Variants in CMTM4 observed in about 807,000 individuals in gnomAD.
The protein encoded by CMTM4 is CKLF like MARVEL transmembrane domain containing 4.
Under a neutral mutation model 19.0 loss-of-function variants are expected in CMTM4, and 8 were observed. The ratio of observed to expected loss-of-function variants is 0.42; its 90% confidence interval spans 0.25 to 0.76. CMTM4 has a LOEUF of 0.76. Ranked by LOEUF, CMTM4 falls within the 30% of genes least tolerant of loss-of-function variation. The probability of loss-of-function intolerance (pLI) is 0.27; values close to 1 mark genes in which losing one functional copy is unlikely to be tolerated. For synonymous variants in CMTM4, 106 were observed against 121.1 expected (o/e 0.88, Z 0.82); for missense variants, 228 against 290.2 (o/e 0.79, Z 1.56).
At chr16:66,656,388 G>C (rs2016398014) in intron 1 of CMTM4, among the ~76,000 whole-genome samples, 2 of 152,112 alleles carry the variant, frequency 1.3e-5, no homozygotes, top group Admixed American at 6.6e-5. Context: ...TTTTGAGACA[G>C]AGTCTCACTC....
rs149863763 is a variant in CMTM4, at chr16:66,646,918, G to A, written c.187-10337C>T. Among the ~76,000 whole-genome samples the A allele has an allele frequency of 8.9e-3, 1,357 of 151,982 alleles. 14 individuals carry two copies. Among genetic ancestry groups the A allele is most frequent in the Middle Eastern group, 0.048 (14 of 294 alleles). ...GACAGGGTTTCACCACGTTGGCCAG[G>A]ATGGTCTCGAACTCCTGACCTCAGG... is the stretch of plus-strand genomic sequence containing the variant. On this transcript the variant is annotated intron_variant, in intron 1 of 3. Coordinates refer to ENST00000394106, the MANE Select transcript of CMTM4 (RefSeq NM_181521.3).
rs966857855 is a variant in CMTM4 at position 66,692,098 on chromosome 16, T to G, written c.186+4242A>C. Among the ~76,000 whole-genome samples the G allele has an allele frequency of 4.2e-5, 6 of 144,078 alleles. No individual in the cohort carries two copies. The East Asian group carries it at 1.2e-3, about 29-fold the overall frequency. 94.5% of individuals were successfully genotyped at this position (144,078 alleles called of 152,430 possible). A position where few individuals can be genotyped will look rare whatever the true frequency, so the allele number is the denominator to read the frequency against. Reference sequence around the variant, plus strand: ...CTAGCACCTGTGTGAGGTTTTGTTGTTTTTTTTTTTGAGATGGAGTCTTGC... The same window carrying G: ...CTAGCACCTGTGTGAGGTTTTGTTGGTTTTTTTTTTGAGATGGAGTCTTGC... On this transcript the variant is annotated intron_variant, in intron 1 of 3. Transcript: ENST00000394106.
At chr16:66,623,582 TA>T in intron 2 of CMTM4, 80 bp from the exon 3 acceptor site, 2 of 1,001,278 alleles carry the variant, frequency 2.0e-6, no homozygotes, top group Non-Finnish European at 2.9e-6. Flanking sequence ...ACTTTCAAAA[TA>T]AGACCCACGA....
chr16:66,668,201 G>C (rs1370002183), intron 1 of CMTM4, among the ~76,000 whole-genome samples: 1 of 150,580 alleles, frequency 6.6e-6, no homozygotes, highest in East Asian at 1.9e-4. Flanking sequence ...TAAAGACAGA[G>C]TTTCGCTATG....
intron 1 of CMTM4, among the ~76,000 whole-genome samples, chr16:66,637,931 C>T (rs1454774156): frequency 6.6e-6 from 1 of 152,216 alleles, no homozygotes; most frequent in African/African-American, 2.4e-5. Flanking sequence ...CCTTGAACTA[C>T]AGAATCAGAA....
At chr16:66,694,137 C>G (rs1265019299) in intron 1 of CMTM4, among the ~76,000 whole-genome samples, 2 of 152,092 alleles carry the variant, frequency 1.3e-5, no homozygotes, top group African/African-American at 4.8e-5. Context: ...TACAACAAAA[C>G]AGTACCTTAC....
the CMTM4 span, among the ~76,000 whole-genome samples, chr16:66,602,580 G>A: frequency 2.0e-5 from 3 of 151,820 alleles, no homozygotes; most frequent in Non-Finnish European, 4.4e-5. Flanking sequence ...CTGCCGCCCA[G>A]GCTGGAGTGC....
Position 66,621,800 on chromosome 16 carries a change from C to T in CMTM4, c.*258G>A, listed in dbSNP as rs1047323048. Reference sequence around the variant, plus strand: ...TCAGAGTCAAAGGAAGCCTGTGCTTCAGGGCAGGTAAGACCTCAAGTGGAC... The same window carrying T: ...TCAGAGTCAAAGGAAGCCTGTGCTTTAGGGCAGGTAAGACCTCAAGTGGAC... On this transcript the variant is annotated 3_prime_UTR_variant, in exon 4 of 4. Coordinates refer to ENST00000394106, the MANE Select transcript of CMTM4 (RefSeq NM_181521.3). 2.3e-6 allele frequency: 3 copies of T among 1,305,238 alleles called. No individual in the cohort carries two copies. The highest frequency in any genetic ancestry group is 2.9e-6 in the Non-Finnish European group (3 of 1,021,988). The allele number at this position is 1,305,238 out of a possible 1,614,324, so 80.9% of individuals were successfully genotyped here. A position where few individuals can be genotyped will look rare whatever the true frequency, so the allele number is the denominator to read the frequency against.
intron 1 of CMTM4, among the ~76,000 whole-genome samples, chr16:66,679,945 A>G (rs1407228067): frequency 6.6e-6 from 1 of 152,116 alleles, no homozygotes; most frequent in African/African-American, 2.4e-5. Context: ...TAGACTGCAC[A>G]GCTCCCCACC....
chr16:66,639,064 T>C (rs1033166404), intron 1 of CMTM4, among the ~76,000 whole-genome samples: 2 of 152,158 alleles, frequency 1.3e-5, no homozygotes, highest in Non-Finnish European at 2.9e-5. Flanking sequence ...ACAAAAGATA[T>C]GGGTCTTTAA....
chr16:66,669,903 T>G (rs1287983100), intron 1 of CMTM4, among the ~76,000 whole-genome samples: 1 of 152,152 alleles, frequency 6.6e-6, no homozygotes, highest in Admixed American at 6.6e-5. Flanking sequence ...TTATTAGATT[T>G]GTTTAATTCA....
In CMTM4 at chr16:66,619,580, G is replaced by T; in HGVS notation, c.*2478C>A. The T allele has an allele frequency of 1.0e-6, 1 of 985,316 alleles. No individual in the cohort carries two copies. Among genetic ancestry groups the T allele is most frequent in the Non-Finnish European group, 1.2e-6 (1 of 829,920 alleles). The allele number at this position is 985,316 out of a possible 1,614,324, so 61.0% of individuals were successfully genotyped here. On this transcript the variant is annotated 3_prime_UTR_variant, in exon 4 of 4. Transcript: ENST00000394106. The stretch of plus-strand genomic sequence containing the variant: ...GGCCCCCAGATATCGATTGTCTTCT[G>T]TTTGCATATAGAGGCAATATAAGAA...
chr16:66,620,087 CACTT>C lies in CMTM4; in HGVS notation c.*1967_*1970del, dbSNP rs2015602017. On this transcript the variant is annotated 3_prime_UTR_variant, in exon 4 of 4. Transcript: ENST00000394106. ...TGAATGGTGTTCTTGTTTTCAATCT[CACTT>C]CAAAGATGGCCTTTTTTGGGGGCCA... The C allele has an allele frequency of 1.0e-6, 1 of 985,310 alleles. No homozygotes were observed. Among genetic ancestry groups the C allele is most frequent in the African/African-American group, 1.7e-5 (1 of 57,232 alleles). 61.0% of individuals were successfully genotyped at this position (985,310 alleles called of 1,614,324 possible).
At position 66,685,409 on chromosome 16, in the gene CMTM4, G is replaced by GA. The variant is rs893606247; in HGVS notation, c.186+10930dup. Among the ~76,000 whole-genome samples, 42 of 146,250 alleles carry GA rather than the reference G, an allele frequency of 2.9e-4. 1 individual carries two copies. In the South Asian group the frequency reaches 4.5e-3, roughly 16 times the overall value. ...CTCAGGGAAGACTGCTGTGGGGGAA[G>GA]AAAAAAAAAAATCAACCCCAGCTTC... On this transcript the variant is annotated intron_variant, in intron 1 of 3. Coordinates refer to ENST00000394106, the MANE Select transcript of CMTM4 (RefSeq NM_181521.3).
At chr16:66,657,523 A>G (rs1386888419) in intron 1 of CMTM4, among the ~76,000 whole-genome samples, 2 of 152,254 alleles carry the variant, frequency 1.3e-5, no homozygotes, top group Non-Finnish European at 2.9e-5. Context: ...TTCTATAAAT[A>G]TACATATACA....
chr16:66,667,852 C>T (rs2016628318), intron 1 of CMTM4, among the ~76,000 whole-genome samples: 1 of 152,058 alleles, frequency 6.6e-6, no homozygotes, highest in African/African-American at 2.4e-5. Context: ...CACACCACTG[C>T]ACTCCAACCT....
At chr16:66,684,538 C>A (rs1002605099) in intron 1 of CMTM4, among the ~76,000 whole-genome samples, 2 of 152,044 alleles carry the variant, frequency 1.3e-5, no homozygotes, top group Non-Finnish European at 2.9e-5. Context: ...CAGGACCCCA[C>A]TCTGAAAACC....
chr16:66,628,863 G>A (rs1425199781), intron 2 of CMTM4, among the ~76,000 whole-genome samples: 1 of 152,106 alleles, frequency 6.6e-6, no homozygotes, highest in East Asian at 1.9e-4. Flanking sequence ...TTCATCAGTT[G>A]ATGGACATTT....
At chr16:66,675,928 C>A (rs760898445) in intron 1 of CMTM4, among the ~76,000 whole-genome samples, 3 of 152,048 alleles carry the variant, frequency 2.0e-5, no homozygotes, top group Non-Finnish European at 4.4e-5. Context: ...GTGGTGCGAT[C>A]ATAGCTTGTA....
Sources: gnomAD v4.1 joint callset for allele counts (sites outside exome capture counted in the v4.1 genomes callset) on GRCh38, gnomAD v4.1.1 for gene constraint, MANE v1.5 for transcripts, NCBI Gene and HGNC (gene_info 2026-07-23, HGNC 2026-07-21) for gene names.